The following IST1 variants were observed in gnomAD, a reference collection of about 807,000 sequenced individuals.
The protein encoded by IST1 is IST1 homolog.
In IST1, 23 loss-of-function variants were observed where a neutral mutation model predicts 37.0. The ratio of observed to expected loss-of-function variants is 0.62; its 90% CI spans 0.45 to 0.88. The LOEUF is 0.88. Ranked by LOEUF, IST1 falls within the 40% of genes least tolerant of loss-of-function variation. The probability of loss-of-function intolerance (pLI) is 0.00; values close to 1 mark genes in which losing one functional copy is unlikely to be tolerated. For missense variants in IST1, 488 were observed against 445.4 expected, an observed-to-expected ratio of 1.10 and a Z score of -0.86; for synonymous variants, 180 against 161.7, an observed-to-expected ratio of 1.11 and a Z score of -0.86.
At chr16:71,904,376 C>T (rs145958178) in intron 1 of IST1, among the ~76,000 whole-genome samples, 1 of 152,332 alleles carries the variant, frequency 6.6e-6, no homozygotes, top group African/African-American at 2.4e-5. Flanking sequence ...CCTGCCTCGG[C>T]CTGCCAAAGT....
chr16:71,910,677 A>G (rs1448140472), intron 1 of IST1, among the ~76,000 whole-genome samples: 2 of 152,130 alleles, frequency 1.3e-5, no homozygotes, highest in East Asian at 3.9e-4. Context: ...GATTTCAGGC[A>G]TCCACTAGGG....
upstream of IST1, chr16:71,894,965 G>A: frequency 1.2e-6 from 1 of 827,980 alleles, no homozygotes; most frequent in South Asian, 1.5e-5. Flanking sequence ...AGACCGGAGC[G>A]ATGCTGGTCC....
intron 9 of IST1, 105 bp from the exon 10 acceptor site, chr16:71,927,509 G>A (rs1323069365): frequency 5.0e-6 from 4 of 801,524 alleles, no homozygotes; most frequent in Non-Finnish European, 8.1e-6. Flanking sequence ...AAAAGTTTGT[G>A]AACTAAGGTT....
At chr16:71,919,645 G>C (rs1037402847) in intron 4 of IST1, among the ~76,000 whole-genome samples, 65 of 152,294 alleles carry the variant, frequency 4.3e-4, no homozygotes, top group African/African-American at 1.3e-3. Flanking sequence ...GCCTGCCTCA[G>C]CCTCACAAAG....
At chr16:71,904,343 G>A (rs1002253496) in intron 1 of IST1, among the ~76,000 whole-genome samples, 10 of 152,118 alleles carry the variant, frequency 6.6e-5, no homozygotes. Flanking sequence ...GGCTGATCTC[G>A]AACTCCTGAC....
chr16:71,916,691 A>G, intron 3 of IST1, 49 bp downstream of exon 3: 1 of 1,495,892 alleles, frequency 6.7e-7, no homozygotes, highest in Non-Finnish European at 9.2e-7. Flanking sequence ...AATTTGAGAA[A>G]GGAGTAATAT....
rs1379054920 is a variant in IST1 at position 71,922,677 on chromosome 16, A to C, written c.756A>C (p.Gly252=). Residue 252 remains glycine, a synonymous_variant, in exon 7 of 10, where the codon GGA becomes GGC. Coordinates refer to ENST00000378799, the MANE Select transcript of IST1 (RefSeq NM_001270975.2). The stretch of plus-strand genomic sequence containing the variant: ...CTTTCTCATATCCACTGCCAAAGGG[A>C]CCAGTAAGTATATATAAGTGTGGAT... ...NTPFSYPLPK[G]PSDFNGLPMG... 1.3e-6 allele frequency: 2 copies of C among 1,571,186 alleles called. No homozygotes were observed. Among genetic ancestry groups the C allele is most frequent in the Admixed American group, 3.8e-5 (2 of 52,346 alleles).
At chr16:71,904,147 G>A (rs1337704815) in intron 1 of IST1, among the ~76,000 whole-genome samples, 1 of 152,044 alleles carries the variant, frequency 6.6e-6, no homozygotes, top group Non-Finnish European at 1.5e-5. Flanking sequence ...GTTTTGAGAC[G>A]GAGTTTCGCT....
chr16:71,931,171 T>C lies in IST1; in HGVS notation c.*3358T>C, dbSNP rs1353764896. 6.6e-6 allele frequency: 1 copy of C among 152,204 alleles called. No individual in the cohort carries two copies. Among genetic ancestry groups the C allele is most frequent in the Non-Finnish European group, 1.5e-5 (1 of 68,040 alleles). 9.4% of individuals were successfully genotyped at this position (152,204 alleles called of 1,614,324 possible). On this transcript the variant is annotated 3_prime_UTR_variant, in exon 10 of 10. Transcript: ENST00000378799. ...CATCCAAAGCAGAAAAGTTCCTTTTTTATCCCCAAAAGGAGGTGTCAGCAA... is the reference window on the plus strand; with the variant it reads ...CATCCAAAGCAGAAAAGTTCCTTTTCTATCCCCAAAAGGAGGTGTCAGCAA...
intron 1 of IST1, among the ~76,000 whole-genome samples, chr16:71,901,282 C>T (rs1045882463): frequency 1.7e-4 from 26 of 151,982 alleles, no homozygotes; most frequent in Admixed American, 5.2e-4. Flanking sequence ...AGCACGATCT[C>T]GGCTCACTGC....
At chr16:71,909,817 A>G (rs1315104277) in intron 1 of IST1, among the ~76,000 whole-genome samples, 1 of 152,230 alleles carries the variant, frequency 6.6e-6, no homozygotes, top group Non-Finnish European at 1.5e-5. Flanking sequence ...ATCCGTGTTT[A>G]AGCTGGAGTA....
intron 8 of IST1, chr16:71,924,546 G>T: frequency 3.4e-6 from 2 of 590,202 alleles, no homozygotes; most frequent in South Asian, 2.0e-5. Flanking sequence ...AGCCGTGATT[G>T]TATCACTGCA....
intron 3 of IST1, 143 bp downstream of exon 3, chr16:71,916,785 A>G (rs750956912): frequency 4.0e-6 from 3 of 751,116 alleles, no homozygotes; most frequent in Non-Finnish European, 6.3e-6. Flanking sequence ...TAAAAAGAAA[A>G]TACAGAATCT....
At chr16:71,895,199 A>G (rs1328746010), upstream of IST1, 1 of 195,470 alleles carries the variant, frequency 5.1e-6, no homozygotes, top group Non-Finnish European at 1.1e-5. Flanking sequence ...ATCCGGAACC[A>G]AGGCACTGGG....
chr16:71,930,274 A>AGAAGAAAAGCTTATCCGAAGGAAACTTAG lies in IST1; in HGVS notation c.*2463_*2491dup. 1 of 1,312,596 alleles carries AGAAGAAAAGCTTATCCGAAGGAAACTTAG rather than the reference A, an allele frequency of 7.6e-7. No individual in the cohort carries two copies. The highest frequency in any genetic ancestry group is 1.0e-6 in the Non-Finnish European group (1 of 999,736). 81.3% of individuals were successfully genotyped at this position (1,312,596 alleles called of 1,614,324 possible). ...ATATGCTAGTGTTTGGGATCTTATC[A>AGAAGAAAAGCTTATCCGAAGGAAACTTAG]GAAGAAAAGCTTATCCGAAGGAAAC... On this transcript the variant is annotated 3_prime_UTR_variant, in exon 10 of 10. Transcript: ENST00000378799.
chr16:71,915,831 T>A, intron 2 of IST1, 103 bp downstream of exon 2: 1 of 684,276 alleles, frequency 1.5e-6, no homozygotes, highest in South Asian at 1.9e-5. Context: ...GATCATATTT[T>A]TTTTTGTTGT....
intron 4 of IST1, among the ~76,000 whole-genome samples, chr16:71,918,096 T>A (rs1053036550): frequency 1.3e-5 from 2 of 152,218 alleles, no homozygotes; most frequent in Admixed American, 1.3e-4. Context: ...AATTCCAGAC[T>A]GTGAGGAACT....
intron 1 of IST1, among the ~76,000 whole-genome samples, chr16:71,897,109 A>G (rs894944853): frequency 3.3e-5 from 5 of 150,064 alleles, no homozygotes; most frequent in Admixed American, 2.7e-4. Flanking sequence ...ACCTTTCAGG[A>G]CTCAAGTGAT....
chr16:71,915,670 C>T lies in IST1; in HGVS notation c.30C>T (p.Arg10=), dbSNP rs1450970624. 2 of 1,613,112 alleles carry T rather than the reference C, an allele frequency of 1.2e-6. No individual in the cohort carries two copies. The highest frequency in any genetic ancestry group is 2.2e-5 in the East Asian group (1 of 44,876). Residue 10 remains arginine, a synonymous_variant, in exon 2 of 10, where the codon CGC becomes CGT. Transcript: ENST00000378799. ...TGGGCTCTGGATTTAAAGCTGAGCG[C>T]TTAAGAGTGAATTTGAGATTAGTCA... is the stretch of plus-strand genomic sequence containing the variant. MLGSGFKAE[R]LRVNLRLVIN... is the part of the protein sequence containing the mutation.
Sources: gnomAD v4.1 joint callset for allele counts (sites outside exome capture counted in the v4.1 genomes callset) on GRCh38, gnomAD v4.1.1 for gene constraint, MANE v1.5 for transcripts, NCBI Gene and HGNC (gene_info 2026-07-23, HGNC 2026-07-21) for gene names.